The following C22orf15 variants were observed in gnomAD, a reference collection of about 807,000 sequenced individuals.
C22orf15 encodes the protein chromosome 22 open reading frame 15, also known as uncharacterized protein C22orf15.
C22orf15 carries 21 observed loss-of-function variants against 20.3 expected under a neutral mutation model. That is an observed-to-expected ratio of 1.04 (90% CI 0.74 to 1.49). C22orf15 has a LOEUF of 1.49. Ranked by LOEUF, C22orf15 falls within the 40% of genes most tolerant of loss-of-function variation. C22orf15 has a pLI of 0.00. For synonymous variants in C22orf15, 78 were observed against 75.4 expected, an observed-to-expected ratio of 1.03 and a Z score of -0.18; for missense variants, 170 against 191.1, an observed-to-expected ratio of 0.89 and a Z score of 0.65.
intron 1 of C22orf15, among the ~76,000 whole-genome samples, chr22:23,763,646 A>G (rs1926087158): frequency 6.6e-6 from 1 of 152,252 alleles, no homozygotes; most frequent in Non-Finnish European, 1.5e-5. Flanking sequence ...CTCAAGCTTC[A>G]GCGTGCATCA....
chr22:23,764,933 C>A, intron 5 of C22orf15, 31 bp downstream of exon 5: 1 of 1,591,352 alleles, frequency 6.3e-7, no homozygotes, highest in Non-Finnish European at 8.6e-7. Context: ...GAGTTGCTAG[C>A]TGGGGCAGGG....
At position 23,764,262 on chromosome 22, in the gene C22orf15, A is replaced by G; in HGVS notation, c.115A>G (p.Thr39Ala). The G allele has an allele frequency of 1.9e-6, 3 of 1,551,646 alleles. No homozygotes were observed. Among genetic ancestry groups the G allele is most frequent in the East Asian group, 2.4e-5 (1 of 40,922 alleles). The stretch of plus-strand genomic sequence containing the variant: ...AGTCTCTCTCCATGTCCTCCCAGCG[A>G]CCATTGCTCTCCTGGCTGAGGATGG... The part of the protein sequence containing the change: ...RQKAGLPPDA[T>A]IALLAEDGNL... Residue 39 changes from threonine to alanine, a missense_variant and splice_region_variant, in exon 3 of 6, where the codon ACC becomes GCC. Physicochemically the swap from Thr to Ala is moderately conservative, Grantham distance 58. Transcript: ENST00000402217.
chr22:23,763,445 G>A (rs1926045859), intron 1 of C22orf15, 114 bp downstream of exon 1: 3 of 1,120,468 alleles, frequency 2.7e-6, no homozygotes, highest in Non-Finnish European at 2.5e-6. Context: ...GGGGGGTGGT[G>A]CACATGGCGG....
At chr22:23,765,004 C>T in intron 5 of C22orf15, 102 bp downstream of exon 5, 1 of 1,512,624 alleles carries the variant, frequency 6.6e-7, no homozygotes, top group Non-Finnish European at 8.8e-7. Context: ...TCCCTTCCTG[C>T]AGGACAGACA....
chr22:23,765,247 G>T (rs532600150), intron 5 of C22orf15: 1 of 1,485,052 alleles, frequency 6.7e-7, no homozygotes, highest in Admixed American at 2.2e-5. Flanking sequence ...TGATGGCACG[G>T]CCCACACTGG....
chr22:23,764,370 G>A lies in C22orf15; in HGVS notation c.223G>A (p.Ala75Thr). 2.6e-6 allele frequency: 4 copies of A among 1,553,086 alleles called. No homozygotes were observed. Among genetic ancestry groups the A allele is most frequent in the South Asian group, 1.2e-5 (1 of 84,332 alleles). Residue 75 changes from alanine to threonine, a missense_variant, in exon 3 of 6, where the codon GCC becomes ACC. Coordinates refer to ENST00000402217, the MANE Select transcript of C22orf15 (RefSeq NM_182520.3). ...GGGCAACTCCCTACTGAAGGAGCGA[G>A]CCATATATGTCCTCGTTCGGATCAT... ...TMGNSLLKER[A>T]IYVLVRIIKG...
In C22orf15 at chr22:23,763,134, A is replaced by T. The variant is rs1039218839; in HGVS notation, c.-173A>T. ...AGCTAGGCTGAAGCAGCAGAACCACAGAGGTGGCTGAGCAGGGGCCTGGCC... is the reference window on the plus strand; with the variant it reads ...AGCTAGGCTGAAGCAGCAGAACCACTGAGGTGGCTGAGCAGGGGCCTGGCC... On this transcript the variant is annotated 5_prime_UTR_variant, in exon 1 of 6. Transcript: ENST00000402217. 6.2e-5 allele frequency: 50 copies of T among 801,960 alleles called. No homozygotes were observed. The African/African-American group carries it at 6.4e-4, about 10-fold the overall frequency. The allele number at this position is 801,960 out of a possible 1,614,324, so 49.7% of individuals were successfully genotyped here.
rs775895018 is a variant in C22orf15 at position 23,764,459 on chromosome 22, A to G, written c.250+62A>G. The G allele has an allele frequency of 1.9e-6, 3 of 1,605,676 alleles. No homozygotes were observed. In the African/African-American group the frequency reaches 4.0e-5, roughly 22 times the overall value. On this transcript the variant is annotated intron_variant, in intron 3 of 5. Transcript: ENST00000402217. ...GTAGAATGTAAGAGGGGGGCATAGC[A>G]GACCATAGACCACCCAAGGCCCTGT...
chr22:23,763,899 A>G (rs1926146192), intron 1 of C22orf15, among the ~76,000 whole-genome samples, 188 bp from the exon 2 acceptor site: 1 of 152,196 alleles, frequency 6.6e-6, no homozygotes, highest in Admixed American at 6.5e-5. Flanking sequence ...CACACATGGG[A>G]GATGGATGGA....
intron 5 of C22orf15, 53 bp downstream of exon 5, chr22:23,764,955 G>C (rs1490737895): frequency 6.4e-7 from 1 of 1,563,534 alleles, no homozygotes. Context: ...GCCAGGTACA[G>C]AGCAGATTTG....
At chr22:23,764,984 CAG>C (rs748172568) in intron 5 of C22orf15, 82 bp downstream of exon 5, 6 of 1,525,464 alleles carry the variant, frequency 3.9e-6, no homozygotes, top group Non-Finnish European at 5.3e-6. Flanking sequence ...CAGAGACACC[CAG>C]AGTGGGATCC....
At chr22:23,765,212 T>C in intron 5 of C22orf15, 9 of 1,451,060 alleles carry the variant, frequency 6.2e-6, no homozygotes, top group Non-Finnish European at 8.2e-6. Context: ...CTGGATGAAC[T>C]CAATGAAGGC....
rs758961216 is a variant in C22orf15 at position 23,764,413 on chromosome 22, G to T, written c.250+16G>T. The T allele has an allele frequency of 6.3e-7, 1 of 1,576,620 alleles. No homozygotes were observed. The highest frequency in any genetic ancestry group is 1.8e-5 in the Admixed American group (1 of 54,126). On this transcript the variant is annotated intron_variant, in intron 3 of 5. Transcript: ENST00000402217. ...CGGATCATCAGTAAGGTGGCCCAAGGTTCTCTCCCCTGCAGCTATGGTAGA... is the reference window on the plus strand; with the variant it reads ...CGGATCATCAGTAAGGTGGCCCAAGTTTCTCTCCCCTGCAGCTATGGTAGA...
At chr22:23,763,359 CGGATAGGG>C in intron 1 of C22orf15, 28 bp downstream of exon 1, 1 of 1,540,484 alleles carries the variant, frequency 6.5e-7, no homozygotes, top group Non-Finnish European at 8.8e-7. Context: ...TCTTGGTAGG[CGGATAGGG>C]GGATGAGCAC....
In C22orf15 at chr22:23,765,834, T is replaced by A. The variant is rs1291197456; in HGVS notation, c.*102T>A. Reference sequence around the variant, plus strand: ...CCATCGAGAGAGGCACACAACAGGCTGTGGTCTAAAATAAACTTTTAATTG... The same window carrying A: ...CCATCGAGAGAGGCACACAACAGGCAGTGGTCTAAAATAAACTTTTAATTG... On this transcript the variant is annotated 3_prime_UTR_variant, in exon 6 of 6. Transcript: ENST00000402217. 1 of 1,531,018 alleles carries A rather than the reference T, an allele frequency of 6.5e-7. No homozygotes were observed. The highest frequency in any genetic ancestry group is 2.4e-5 in the East Asian group (1 of 40,878). The allele number at this position is 1,531,018 out of a possible 1,614,324, so 94.8% of individuals were successfully genotyped here. A position where few individuals can be genotyped will look rare whatever the true frequency, so the allele number is the denominator to read the frequency against.
At position 23,764,640 on chromosome 22, in the gene C22orf15, G is replaced by A. The variant is rs566868267; in HGVS notation, c.252G>A (p.Lys84=). Residue 84 remains lysine (K), a splice_region_variant and synonymous_variant, in exon 4 of 6, where the codon AAG becomes AAA. Transcript: ENST00000402217. ...RAIYVLVRII[K]GEDMASTRYE... is the part of the protein sequence containing the mutation. ...TCATCGTCTCTCCACATGTCACAGAGGGAGAGGACATGGCCTCCACCCGCT... is the reference window on the plus strand; with the variant it reads ...TCATCGTCTCTCCACATGTCACAGAAGGAGAGGACATGGCCTCCACCCGCT... The A allele has an allele frequency of 1.1e-3, 1,795 of 1,614,104 alleles. 27 individuals carry two copies. The South Asian group carries it at 0.018, about 16-fold the overall frequency.
intron 3 of C22orf15, 70 bp downstream of exon 3, chr22:23,764,467 G>A (rs1926337229): frequency 4.4e-6 from 7 of 1,606,176 alleles, no homozygotes; most frequent in Non-Finnish European, 6.0e-6. Flanking sequence ...GCAGACCATA[G>A]ACCACCCAAG....
At chr22:23,765,442 C>T (rs1926625342) in intron 5 of C22orf15, 1 of 1,551,006 alleles carries the variant, frequency 6.4e-7, no homozygotes, top group Non-Finnish European at 8.7e-7. Flanking sequence ...GAAGTTGCAT[C>T]AGCAAGAGGG....
In C22orf15 at chr22:23,764,875, G is replaced by A. The variant is rs1022550886; in HGVS notation, c.408G>A (p.Glu136=). The A allele has an allele frequency of 2.5e-6, 4 of 1,613,310 alleles. No individual in the cohort carries two copies. The highest frequency in any genetic ancestry group is 2.2e-5 in the East Asian group (1 of 44,868). ...TGGGCACTCGGCGAGGCCGCCATGA[G>A]CAAAGCCCCACTTCAAGGCCCAGAA... is the stretch of plus-strand genomic sequence containing the variant. The part of the protein sequence containing the change: ...KRMGTRRGRH[E]QSPTSRPRKG... Residue 136 remains glutamate (E), a synonymous_variant, in exon 5 of 6, where the codon GAG becomes GAA. Coordinates refer to ENST00000402217, the MANE Select transcript of C22orf15 (RefSeq NM_182520.3).
Sources: allele counts gnomAD v4.1 joint callset (sites outside exome capture counted in the v4.1 genomes callset), GRCh38; gene constraint gnomAD v4.1.1; transcripts MANE v1.5; gene names NCBI Gene and HGNC (gene_info 2026-07-23, HGNC 2026-07-21).